The following ERC1 variants were observed in gnomAD, a reference collection of about 807,000 sequenced individuals.
The protein encoded by ERC1 is RAB6 interacting protein 2.
ERC1 carries 56 observed loss-of-function variants against 132.0 expected under a neutral mutation model. The observed-to-expected ratio is 0.42, with a 90% CI of 0.34 to 0.53. The LOEUF is 0.53. Among genes scored for constraint, ERC1 ranks in the 20% least tolerant of loss-of-function variants. The pLI is 0.03. For synonymous variants in ERC1, 478 were observed against 476.1 expected, an observed-to-expected ratio of 1.00 and a Z score of -0.05; for missense variants, 1,202 against 1,349.9, an observed-to-expected ratio of 0.89 and a Z score of 1.72.
intron 3 of ERC1, among the ~76,000 whole-genome samples, chr12:1,084,818 AGTAG>A (rs1942754878): frequency 6.6e-6 from 1 of 151,914 alleles, no homozygotes; most frequent in African/African-American, 2.4e-5. Context: ...TAGCCTCCCT[AGTAG>A]GTAGGTCTAC....
chr12:1,440,608 G>T (rs1297215593), intron 17 of ERC1, among the ~76,000 whole-genome samples: 1,274 of 26,512 alleles, frequency 0.048, 214 homozygotes, highest in African/African-American at 0.28. Flanking sequence ...TTTTGTGTGT[G>T]TGTGTGTGTG....
chr12:1,190,034 A>C lies in ERC1; in HGVS notation c.2333A>C (p.Lys778Thr). 6.2e-7 allele frequency: 1 copy of C among 1,613,672 alleles called. No individual in the cohort carries two copies. Among genetic ancestry groups the C allele is most frequent in the Non-Finnish European group, 8.5e-7 (1 of 1,179,754 alleles). Residue 778 changes from lysine (K) to threonine (T), a missense_variant, in exon 12 of 19, where the codon AAG becomes ACG. By Grantham distance (78) the Lys-to-Thr change is moderately conservative. Transcript: ENST00000360905. Reference sequence around the variant, plus strand: ...AATGAGAAGAATGACAAAGATAAGAAGATAGCTGAGTTGGAAAGGTAAGAA... The same window carrying C: ...AATGAGAAGAATGACAAAGATAAGACGATAGCTGAGTTGGAAAGGTAAGAA... ...VENEKNDKDK[K>T]IAELERQVKD... is the part of the protein sequence containing the mutation.
At chr12:1,178,122 C>T (rs1335910368) in intron 8 of ERC1, among the ~76,000 whole-genome samples, 1 of 152,166 alleles carries the variant, frequency 6.6e-6, no homozygotes, top group Non-Finnish European at 1.5e-5. Flanking sequence ...TTCACATACC[C>T]TATTCTAAAC....
chr12:1,180,829 T>A (rs1407576440), intron 9 of ERC1, 152 bp downstream of exon 9: 1 of 888,500 alleles, frequency 1.1e-6, no homozygotes, highest in Middle Eastern at 3.4e-4. Context: ...GGAAACATTT[T>A]TTTTAGATGG....
intron 18 of ERC1, among the ~76,000 whole-genome samples, chr12:1,450,824 TC>T (rs1239577721): frequency 2.6e-5 from 4 of 152,212 alleles, no homozygotes; most frequent in African/African-American, 9.7e-5. Flanking sequence ...TTGTAGTCTT[TC>T]GTGTGTTTTT....
chr12:1,231,315 C>T (rs572759993), intron 12 of ERC1, among the ~76,000 whole-genome samples: 2 of 152,270 alleles, frequency 1.3e-5, no homozygotes, highest in South Asian at 4.2e-4. Context: ...TTATGTCTCC[C>T]TCCTTCACAG....
intron 15 of ERC1, among the ~76,000 whole-genome samples, chr12:1,322,997 C>A (rs1204136864): frequency 6.6e-6 from 1 of 152,094 alleles, no homozygotes; most frequent in African/African-American, 2.4e-5. Context: ...AATTAGGAAA[C>A]CTACTTTCTG....
chr12:1,093,944 T>TAAAC (rs1244133336), intron 3 of ERC1, among the ~76,000 whole-genome samples: 1 of 115,368 alleles, frequency 8.7e-6, no homozygotes, highest in Non-Finnish European at 1.7e-5. Flanking sequence ...TCTATATAAA[T>TAAAC]ATATATATTT....
At chr12:1,391,861 T>C (rs1186907557) in intron 16 of ERC1, among the ~76,000 whole-genome samples, 1 of 152,218 alleles carries the variant, frequency 6.6e-6, no homozygotes, top group African/African-American at 2.4e-5. Context: ...TTCCTGGTTG[T>C]TGGCTTCTTC....
intron 17 of ERC1, among the ~76,000 whole-genome samples, chr12:1,442,584 A>T (rs1045250251): frequency 6.6e-6 from 1 of 152,206 alleles, no homozygotes; most frequent in South Asian, 2.1e-4. Flanking sequence ...TGTGTAATAT[A>T]CTGTATAGGC....
chr12:1,393,552 A>T (rs1344333500), intron 16 of ERC1, among the ~76,000 whole-genome samples: 2 of 148,502 alleles, frequency 1.3e-5, no homozygotes, highest in Admixed American at 1.3e-4. Context: ...ATCAAAAAGA[A>T]CTTTTATTCT....
At chr12:1,289,757 T>C (rs1446053236) in intron 14 of ERC1, 95 bp from the exon 15 acceptor site, 1 of 921,176 alleles carries the variant, frequency 1.1e-6, no homozygotes, top group African/African-American at 1.7e-5. Context: ...CTGCGTCTCT[T>C]CAATTTTCTG....
chr12:1,113,493 A>T (rs561829839), intron 6 of ERC1, among the ~76,000 whole-genome samples: 1 of 152,350 alleles, frequency 6.6e-6, no homozygotes, highest in Non-Finnish European at 1.5e-5. Flanking sequence ...CATTTGTCAA[A>T]GTGTCAGCAA....
intron 12 of ERC1, among the ~76,000 whole-genome samples, chr12:1,212,172 A>T (rs1018160611): frequency 1.3e-5 from 2 of 152,146 alleles, no homozygotes; most frequent in African/African-American, 2.4e-5. Context: ...CTTGCTTAGC[A>T]TATAATTGTT....
Position 1,028,356 on chromosome 12 carries a change from C to A in ERC1, c.453C>A (p.Ile151=). ...TTCGTCAGGCGAGAGATAACACAAT[C>A]ATGGATCTGCAGACACAGCTGAAGG... ...HSLRQARDNT[I]MDLQTQLKEV... The change falls in exon 2 of 19, where the codon ATC becomes ATA. Residue 151 remains isoleucine (I), a synonymous_variant. Coordinates refer to ENST00000360905, the MANE Select transcript of ERC1 (RefSeq NM_178040.4). 2 of 1,614,192 alleles carry A rather than the reference C, an allele frequency of 1.2e-6. No homozygotes were observed. The highest frequency in any genetic ancestry group is 1.6e-4 in the Middle Eastern group (1 of 6,062).
chr12:1,409,274 G>A (rs1177389065), intron 17 of ERC1, among the ~76,000 whole-genome samples: 2 of 152,212 alleles, frequency 1.3e-5, no homozygotes, highest in Admixed American at 1.3e-4. Context: ...TATCTGCCTG[G>A]TGTCAGCAGT....
At chr12:1,459,637 C>T (rs551456037) in intron 18 of ERC1, among the ~76,000 whole-genome samples, 2 of 152,318 alleles carry the variant, frequency 1.3e-5, no homozygotes, top group South Asian at 4.1e-4. Context: ...AATGTGAAAA[C>T]ACCAGGTGAA....
chr12:1,140,335 A>G (rs1949747621), intron 7 of ERC1, among the ~76,000 whole-genome samples: 3 of 152,150 alleles, frequency 2.0e-5, no homozygotes, highest in South Asian at 2.1e-4. Flanking sequence ...TAGATACACT[A>G]CACATTGGAT....
At chr12:1,033,351 T>C (rs552023479) in intron 2 of ERC1, among the ~76,000 whole-genome samples, 1 of 151,982 alleles carries the variant, frequency 6.6e-6, no homozygotes, top group South Asian at 2.1e-4. Flanking sequence ...TTTGTATTTT[T>C]AGTAGAGACG....
Sources: allele counts gnomAD v4.1 joint callset (sites outside exome capture counted in the v4.1 genomes callset), GRCh38; gene constraint gnomAD v4.1.1; transcripts MANE v1.5; gene names NCBI Gene and HGNC (gene_info 2026-07-23, HGNC 2026-07-21).